The following TTC29 variants were observed in gnomAD, a reference collection of about 807,000 sequenced individuals.
TTC29 encodes tetratricopeptide repeat protein 29.
Under a neutral mutation model 58.1 loss-of-function variants are expected in TTC29, and 49 were observed. The observed-to-expected ratio is 0.84, with a 90% CI of 0.67 to 1.07. The LOEUF is 1.07. TTC29 is among the 50% of genes least tolerant of loss of function. The pLI is 0.00. For synonymous variants in TTC29, 209 were observed against 196.8 expected (o/e 1.06, Z -0.52); for missense variants, 582 against 555.6 (o/e 1.05, Z -0.48).
At chr4:146,730,672 C>T (rs1030026447) in intron 11 of TTC29, among the ~76,000 whole-genome samples, 7 of 152,034 alleles carry the variant, frequency 4.6e-5, no homozygotes, top group East Asian at 3.9e-4. Context: ...ATTTATATGA[C>T]GAAGGAGTTA....
At chr4:146,935,985 G>C (rs1350101564) in intron 4 of TTC29, among the ~76,000 whole-genome samples, 1 of 152,122 alleles carries the variant, frequency 6.6e-6, no homozygotes, top group Non-Finnish European at 1.5e-5. Flanking sequence ...TCTAGAATGT[G>C]TATCAATCAA....
chr4:146,831,367 G>A (rs978377965), intron 9 of TTC29, among the ~76,000 whole-genome samples: 1 of 152,056 alleles, frequency 6.6e-6, no homozygotes, highest in African/African-American at 2.4e-5. Flanking sequence ...CCAAAGTGCT[G>A]GGATAACAAG....
intron 11 of TTC29, among the ~76,000 whole-genome samples, chr4:146,781,420 A>AT (rs939521958): frequency 2.6e-5 from 4 of 152,074 alleles, no homozygotes; most frequent in South Asian, 2.1e-4. Flanking sequence ...TGAAACTGAG[A>AT]TTTTGAAATC....
chr4:146,865,990 T>C (rs1730537347), intron 8 of TTC29, among the ~76,000 whole-genome samples: 1 of 152,202 alleles, frequency 6.6e-6, no homozygotes, highest in African/African-American at 2.4e-5. Flanking sequence ...GAACAGTGCA[T>C]ATAAAATGCA....
intron 7 of TTC29, 47 bp from the exon 8 acceptor site, chr4:146,867,630 T>A: frequency 1.1e-6 from 1 of 898,816 alleles, no homozygotes; most frequent in African/African-American, 1.7e-5. Flanking sequence ...ATAAATGATT[T>A]ATTACAACAA....
In TTC29 at chr4:146,933,638, G is replaced by A. The variant is rs545429491; in HGVS notation, c.176+3956C>T. 3.3e-5 allele frequency among the ~76,000 whole-genome samples: 5 copies of A among 152,290 alleles called. No individual in the cohort carries two copies. In the South Asian group the frequency reaches 1.0e-3, roughly 32 times the overall value. On this transcript the variant is annotated intron_variant, in intron 4 of 12. Transcript: ENST00000325106. The stretch of plus-strand genomic sequence containing the variant: ...CTGCTAAGTCAAATTTGACTTTGAA[G>A]TTTAAAGTCAAATCATCATTATCAA...
intron 5 of TTC29, 35 bp from the exon 6 acceptor site, chr4:146,903,764 G>A (rs1733325971): frequency 8.9e-6 from 13 of 1,463,780 alleles, no homozygotes; most frequent in Non-Finnish European, 1.2e-5. Flanking sequence ...AATGGCATTA[G>A]AAAGATGTCT....
chr4:146,739,868 G>A (rs905793633), intron 11 of TTC29, among the ~76,000 whole-genome samples: 1 of 152,160 alleles, frequency 6.6e-6, no homozygotes, highest in African/African-American at 2.4e-5. Context: ...TGGGTACATT[G>A]CTAGGCTACA....
At chr4:146,787,345 A>C (rs780917316) in intron 11 of TTC29, among the ~76,000 whole-genome samples, 24 of 152,154 alleles carry the variant, frequency 1.6e-4, no homozygotes, top group Non-Finnish European at 2.2e-4. Context: ...ATAATTTGAT[A>C]TGTACCTATT....
chr4:146,886,247 T>C (rs1021604150), intron 6 of TTC29, among the ~76,000 whole-genome samples: 3 of 152,068 alleles, frequency 2.0e-5, no homozygotes, highest in Non-Finnish European at 4.4e-5. Flanking sequence ...CTGCTTTTTA[T>C]TTCCTCTGTT....
chr4:146,822,333 G>A (rs941032167), intron 9 of TTC29, among the ~76,000 whole-genome samples: 11 of 152,068 alleles, frequency 7.2e-5, no homozygotes, highest in Non-Finnish European at 1.6e-4. Context: ...GAGAACATGT[G>A]GTGTTTGGTT....
At chr4:146,742,426 CCTGCAT>C (rs1745222069) in intron 11 of TTC29, among the ~76,000 whole-genome samples, 1 of 152,128 alleles carries the variant, frequency 6.6e-6, no homozygotes, top group South Asian at 2.1e-4. Context: ...AGGAAGACTC[CCTGCAT>C]CTTCTAGAGC....
intron 8 of TTC29, among the ~76,000 whole-genome samples, chr4:146,846,009 T>A (rs540317894): frequency 2.6e-5 from 4 of 152,184 alleles, no homozygotes; most frequent in Admixed American, 2.0e-4. Flanking sequence ...TATTGTTGAA[T>A]GACTATTGTA....
chr4:146,859,719 C>G (rs1240020789), intron 8 of TTC29, among the ~76,000 whole-genome samples: 1 of 151,990 alleles, frequency 6.6e-6, no homozygotes, highest in Non-Finnish European at 1.5e-5. Context: ...AAGTGGAATA[C>G]AGGGTGGGAG....
At chr4:146,746,141 A>T (rs1219666234) in intron 11 of TTC29, among the ~76,000 whole-genome samples, 2 of 152,174 alleles carry the variant, frequency 1.3e-5, no homozygotes, top group Admixed American at 1.3e-4. Context: ...TCTCTGTACC[A>T]GCCCTAGGGG....
intron 8 of TTC29, among the ~76,000 whole-genome samples, chr4:146,866,368 T>C (rs1043642526): frequency 6.6e-6 from 1 of 152,188 alleles, no homozygotes; most frequent in African/African-American, 2.4e-5. Flanking sequence ...TATTTGCTGT[T>C]CTATCATTGT....
chr4:146,752,695 A>G (rs1037579154), intron 11 of TTC29, among the ~76,000 whole-genome samples: 8 of 152,114 alleles, frequency 5.3e-5, no homozygotes, highest in African/African-American at 1.9e-4. Flanking sequence ...TACTGGTACC[A>G]AAACAGAGAT....
At chr4:146,824,624 A>T (rs1351198342) in intron 9 of TTC29, among the ~76,000 whole-genome samples, 1 of 152,138 alleles carries the variant, frequency 6.6e-6, no homozygotes, top group Non-Finnish European at 1.5e-5. Context: ...TCATAAAATG[A>T]GTTAGAGGAA....
intron 11 of TTC29, among the ~76,000 whole-genome samples, chr4:146,752,540 G>A (rs1746088916): frequency 1.3e-5 from 2 of 151,508 alleles, no homozygotes; most frequent in South Asian, 2.1e-4. Context: ...TCACAGAATT[G>A]GAAAAAACTA....
Sources: allele counts gnomAD v4.1 joint callset (sites outside exome capture counted in the v4.1 genomes callset), GRCh38; gene constraint gnomAD v4.1.1; transcripts MANE v1.5; gene names NCBI Gene and HGNC (gene_info 2026-07-23, HGNC 2026-07-21).